POLN: variants seen among roughly 807,000 people sequenced by gnomAD.
POLN encodes the protein DNA polymerase nu, also known as DNA polymerase N.
Under a neutral mutation model 113.5 loss-of-function variants are expected in POLN, and 108 were observed. That is an observed-to-expected ratio of 0.95 (90% confidence interval 0.81 to 1.12). The LOEUF (loss-of-function observed/expected upper bound fraction) is 1.12, where lower values mean the gene tolerates loss of function less well. Among genes scored for constraint, POLN ranks in the 50% most tolerant of loss-of-function variants. The probability of loss-of-function intolerance (pLI) is 0.00; values close to 1 mark genes in which losing one functional copy is unlikely to be tolerated. For missense variants in POLN, 1,097 were observed against 1,077.1 expected (o/e 1.02, Z -0.26); for synonymous variants, 386 against 391.5 (o/e 0.99, Z 0.17).
intron 22 of POLN, 118 bp downstream of exon 22, chr4:2,081,515 A>T: frequency 1.1e-6 from 1 of 946,118 alleles, no homozygotes; most frequent in Non-Finnish European, 1.6e-6. Flanking sequence ...TCCTGCAAGG[A>T]GGTTTGTGAT....
At chr4:2,240,794 G>T (rs774100769) in intron 2 of POLN, 1 of 1,613,762 alleles carries the variant, frequency 6.2e-7, no homozygotes, top group South Asian at 1.1e-5. Flanking sequence ...CAGACAACAC[G>T]TTCTGTTCAT....
At chr4:2,130,757 GTACCAT>G (rs1266613209) in intron 17 of POLN, among the ~76,000 whole-genome samples, 2 of 152,078 alleles carry the variant, frequency 1.3e-5, no homozygotes, top group African/African-American at 4.8e-5. Context: ...TAACAGGGAG[GTACCAT>G]ATCACTTTAG....
At chr4:2,123,270 C>T (rs1028221645) in intron 19 of POLN, among the ~76,000 whole-genome samples, 1 of 151,816 alleles carries the variant, frequency 6.6e-6, no homozygotes, top group Non-Finnish European at 1.5e-5. Context: ...AGGTAGGTTG[C>T]TTTGTAATCA....
At chr4:2,086,929 G>A (rs149040539) in intron 20 of POLN, among the ~76,000 whole-genome samples, 129 of 152,344 alleles carry the variant, frequency 8.5e-4, no homozygotes, top group African/African-American at 2.9e-3. Flanking sequence ...AGAACCCTCT[G>A]GAGGAATGGG....
Position 2,208,002 on chromosome 4 carries a change from C to T in POLN, c.699G>A (p.Gln233=). 6.2e-7 allele frequency: 1 copy of T among 1,605,442 alleles called. No individual in the cohort carries two copies. Among genetic ancestry groups the T allele is most frequent in the Non-Finnish European group, 8.5e-7 (1 of 1,176,980 alleles). Residue 233 remains glutamine, a synonymous_variant, in exon 5 of 26, where the codon CAG becomes CAA. Coordinates refer to ENST00000511885, the MANE Select transcript of POLN (RefSeq NM_181808.4). ...GTTTACTAACCTGGTCAGCTCCTAG[C>T]TGGGTGGAACCATCAGTATACATCA... ...ITVMYTDGST[Q]LGADQTPVSS... is the part of the protein sequence containing the mutation.
chr4:2,101,091 C>A (rs370066926), intron 19 of POLN, among the ~76,000 whole-genome samples: 1 of 151,796 alleles, frequency 6.6e-6, no homozygotes, highest in African/African-American at 2.4e-5. Context: ...CAAATTAGAT[C>A]TTTGTTGCCA....
rs565291091 is a variant in POLN, at chr4:2,156,772, T to G, written c.1731+16A>C. 1.9e-6 allele frequency: 3 copies of G among 1,602,822 alleles called. No individual in the cohort carries two copies. The African/African-American group carries it at 4.0e-5, about 21-fold the overall frequency. On this transcript the variant is annotated intron_variant, in intron 16 of 25. Transcript: ENST00000511885. ...GAAAATGGCGTTTAACAAAGACAGT[T>G]GTTTAAACAACTTACAGGATGCTTG... is the stretch of plus-strand genomic sequence containing the variant.
chr4:2,143,642 C>T (rs182978374), intron 16 of POLN, among the ~76,000 whole-genome samples: 72 of 152,234 alleles, frequency 4.7e-4, no homozygotes, highest in Non-Finnish European at 7.5e-4. Flanking sequence ...ACCAATTCCA[C>T]GATATCTCCC....
At position 2,072,222 on chromosome 4, in the gene POLN, C is replaced by A. The variant is rs142927427; in HGVS notation, c.2595G>T (p.Pro865=). The A allele has an allele frequency of 6.9e-6, 11 of 1,605,432 alleles. No homozygotes were observed. The South Asian group carries it at 9.9e-5, about 14-fold the overall frequency. The change falls in exon 26 of 26, where the codon CCG becomes CCT. Residue 865 remains proline (P), a synonymous_variant. Transcript: ENST00000511885. ...LVPLQEAWGP[P]PGPCRTESPS... is the part of the protein sequence containing the mutation. The stretch of plus-strand genomic sequence containing the variant: ...GAGACTCAGTGCGACATGGGCCTGG[C>A]GGAGGGCCCCAGGCCTCCTGCAGTG...
chr4:2,083,214 T>C (rs893092147), intron 21 of POLN, among the ~76,000 whole-genome samples: 5 of 152,170 alleles, frequency 3.3e-5, no homozygotes, highest in Admixed American at 2.6e-4. Flanking sequence ...TCTCTCTCTC[T>C]AGCTCCCTCC....
chr4:2,121,148 A>G (rs2108718632), intron 19 of POLN, among the ~76,000 whole-genome samples: 1 of 152,114 alleles, frequency 6.6e-6, no homozygotes, highest in South Asian at 2.1e-4. Context: ...AAAATATGCT[A>G]TTGGGGCTGG....
intron 23 of POLN, chr4:2,080,184 AGAG>A (rs2108688773): frequency 1.0e-6 from 1 of 986,590 alleles, no homozygotes; most frequent in East Asian, 1.1e-4. Context: ...GAGAACGAGG[AGAG>A]GAGGTGTCTG....
chr4:2,225,557 A>G (rs929415295), intron 3 of POLN, among the ~76,000 whole-genome samples: 8 of 152,058 alleles, frequency 5.3e-5, no homozygotes, highest in Non-Finnish European at 8.8e-5. Flanking sequence ...CCAACTCAAA[A>G]AAAAGAAAGA....
In POLN at chr4:2,137,624, G is replaced by A. The variant is rs113525869; in HGVS notation, c.1732-6334C>T. ...TGCCTGCTCCTCCTGATACACTCCC[G>A]TGGCCCCCCTCACCCACTAAAGCTT... On this transcript the variant is annotated intron_variant, in intron 16 of 25. Transcript: ENST00000511885. 4.6e-3 allele frequency among the ~76,000 whole-genome samples: 707 copies of A among 152,096 alleles called. 8 individuals carry two copies. The highest frequency in any genetic ancestry group is 0.016 in the African/African-American group (667 of 41,488).
chr4:2,168,019 A>T (rs1456548592), intron 13 of POLN, among the ~76,000 whole-genome samples: 1 of 152,196 alleles, frequency 6.6e-6, no homozygotes, highest in African/African-American at 2.4e-5. Context: ...AACAGAAATG[A>T]GAAAATATGT....
At chr4:2,125,886 C>G (rs73799519) in intron 19 of POLN, among the ~76,000 whole-genome samples, 4 of 152,068 alleles carry the variant, frequency 2.6e-5, no homozygotes, top group Non-Finnish European at 5.9e-5. Flanking sequence ...GTGAGGCCAG[C>G]GAGGACCCAG....
chr4:2,190,800 G>A (rs1172340321), intron 7 of POLN, among the ~76,000 whole-genome samples: 18 of 152,098 alleles, frequency 1.2e-4, no homozygotes. Flanking sequence ...TAAGAAAAAT[G>A]CAAGGAAAAT....
At chr4:2,114,468 T>C (rs1731271514) in intron 19 of POLN, among the ~76,000 whole-genome samples, 1 of 152,170 alleles carries the variant, frequency 6.6e-6, no homozygotes, top group Non-Finnish European at 1.5e-5. Context: ...AAAATGTATC[T>C]TTTGCATTAA....
intron 19 of POLN, among the ~76,000 whole-genome samples, chr4:2,100,189 G>A (rs1328261295): frequency 6.6e-6 from 1 of 152,126 alleles, no homozygotes; most frequent in Non-Finnish European, 1.5e-5. Context: ...ATAAATAGTG[G>A]GGGAAAGCCC....
Sources: gnomAD v4.1 joint callset for allele counts (sites outside exome capture counted in the v4.1 genomes callset) on GRCh38, gnomAD v4.1.1 for gene constraint, MANE v1.5 for transcripts, NCBI Gene and HGNC (gene_info 2026-07-23, HGNC 2026-07-21) for gene names.